Variants in WWOX observed in about 807,000 individuals in gnomAD.
WWOX encodes the protein WW domain-containing oxidoreductase.
In WWOX, 69 loss-of-function variants were observed where a neutral mutation model predicts 46.2. The ratio of observed to expected loss-of-function variants is 1.49; its 90% CI spans 1.23 to 1.82. WWOX has a LOEUF of 1.82. Among genes scored for constraint, WWOX ranks in the 40% most tolerant of loss-of-function variants. The pLI, the probability that WWOX is intolerant of heterozygous loss-of-function variation, is 0.00. For synonymous variants in WWOX, 359 were observed against 202.6 expected, an observed-to-expected ratio of 1.77 and a Z score of -6.56; for missense variants, 919 against 542.6, an observed-to-expected ratio of 1.69 and a Z score of -6.89.
intron 5 of WWOX, chr16:78,265,855 C>G (rs1305699519): frequency 6.6e-6 from 1 of 152,012 alleles, no homozygotes; most frequent in Admixed American, 6.6e-5. Context: ...AATAAATTGT[C>G]TATCCTGTAT....
chr16:78,464,690 A>C (rs1328890019), intron 8 of WWOX, among the ~76,000 whole-genome samples: 2 of 151,948 alleles, frequency 1.3e-5, no homozygotes, highest in African/African-American at 4.8e-5. Context: ...CGTTGCCCCC[A>C]CCCGTGCAGC....
chr16:78,559,250 T>C (rs76961781), intron 8 of WWOX, among the ~76,000 whole-genome samples: 1 of 152,176 alleles, frequency 6.6e-6, no homozygotes, highest in South Asian at 2.1e-4. Context: ...AAGGGGACCA[T>C]GCATGTATTT....
At chr16:78,830,021 T>C (rs998211357) in intron 8 of WWOX, among the ~76,000 whole-genome samples, 2 of 151,782 alleles carry the variant, frequency 1.3e-5, no homozygotes, top group Non-Finnish European at 2.9e-5. Context: ...GCTTTGGGAG[T>C]CTGAAGTGGT....
chr16:79,129,200 A>G (rs1214331836), intron 8 of WWOX, among the ~76,000 whole-genome samples: 2 of 151,880 alleles, frequency 1.3e-5, no homozygotes, highest in Non-Finnish European at 2.9e-5. Flanking sequence ...CAAGTCTAAG[A>G]GAAGGTGGGG....
chr16:78,918,926 G>A (rs146908488), intron 8 of WWOX, among the ~76,000 whole-genome samples: 3 of 152,090 alleles, frequency 2.0e-5, no homozygotes, highest in African/African-American at 7.2e-5. Context: ...AGTTGTTATT[G>A]TGGTTACTTG....
chr16:78,393,767 T>C (rs564789377), intron 6 of WWOX, among the ~76,000 whole-genome samples: 1 of 152,186 alleles, frequency 6.6e-6, no homozygotes, highest in Non-Finnish European at 1.5e-5. Context: ...TTCTGAACTT[T>C]CTGTCACCGG....
At chr16:78,430,186 T>C (rs779745716) in intron 7 of WWOX, among the ~76,000 whole-genome samples, 6 of 152,166 alleles carry the variant, frequency 3.9e-5, no homozygotes, top group Non-Finnish European at 8.8e-5. Flanking sequence ...AATTCTCATT[T>C]ATAAAACCAT....
intron 8 of WWOX, among the ~76,000 whole-genome samples, chr16:78,972,493 C>A (rs1033326459): frequency 2.7e-5 from 4 of 150,652 alleles, no homozygotes; most frequent in Admixed American, 1.3e-4. Flanking sequence ...AATAAAAGAA[C>A]CTGAAGCCGC....
intron 5 of WWOX, among the ~76,000 whole-genome samples, chr16:78,173,052 G>A (rs2015312336): frequency 6.6e-6 from 1 of 152,176 alleles, no homozygotes; most frequent in Non-Finnish European, 1.5e-5. Context: ...CCTACGCAAG[G>A]ACAAGTAGAG....
At chr16:78,402,712 G>A (rs954912018) in intron 6 of WWOX, among the ~76,000 whole-genome samples, 1 of 152,102 alleles carries the variant, frequency 6.6e-6, no homozygotes, top group Non-Finnish European at 1.5e-5. Context: ...ACTCATTTTC[G>A]GTTTAAGAAG....
At chr16:78,477,305 C>A (rs1343339450) in intron 8 of WWOX, among the ~76,000 whole-genome samples, 1 of 151,942 alleles carries the variant, frequency 6.6e-6, no homozygotes. Flanking sequence ...AAGCAGTAAC[C>A]GCATATAAAA....
At chr16:79,010,445 G>A (rs746347529) in intron 8 of WWOX, among the ~76,000 whole-genome samples, 36 of 152,118 alleles carry the variant, frequency 2.4e-4, no homozygotes, top group Non-Finnish European at 4.6e-4. Context: ...CTGCCACTGG[G>A]CAGGGCATCC....
At chr16:78,700,328 G>C (rs1367875079) in intron 8 of WWOX, among the ~76,000 whole-genome samples, 3 of 128,366 alleles carry the variant, frequency 2.3e-5, no homozygotes, top group Non-Finnish European at 4.7e-5. Flanking sequence ...GAGAGAGAGA[G>C]AGAGAGAGAG....
intron 8 of WWOX, among the ~76,000 whole-genome samples, chr16:78,649,356 T>C (rs1451397091): frequency 6.6e-6 from 1 of 152,136 alleles, no homozygotes; most frequent in Non-Finnish European, 1.5e-5. Context: ...CAATCCTAGC[T>C]TACTGCAGCC....
At chr16:78,924,314 G>A (rs1359298264) in intron 8 of WWOX, among the ~76,000 whole-genome samples, 1 of 152,136 alleles carries the variant, frequency 6.6e-6, no homozygotes, top group African/African-American at 2.4e-5. Flanking sequence ...TTTTTAGGGG[G>A]TGGGGTTGCT....
intron 6 of WWOX, among the ~76,000 whole-genome samples, chr16:78,394,042 G>A (rs974664881): frequency 6.6e-6 from 1 of 151,996 alleles, no homozygotes; most frequent in Non-Finnish European, 1.5e-5. Context: ...ATCCATCTAG[G>A]GAAGTGGGTG....
intron 8 of WWOX, among the ~76,000 whole-genome samples, chr16:78,722,167 C>T (rs2142355580): frequency 6.6e-6 from 1 of 152,256 alleles, no homozygotes; most frequent in Non-Finnish European, 1.5e-5. Context: ...TGGCTCACTC[C>T]CTGTCTGTCC....
chr16:78,480,458 C>A (rs1200496351), intron 8 of WWOX, among the ~76,000 whole-genome samples: 1 of 152,224 alleles, frequency 6.6e-6, no homozygotes, highest in Non-Finnish European at 1.5e-5. Context: ...CATATATTTA[C>A]ATGTACTGTC....
At chr16:79,049,332 T>A (rs1444186726) in intron 8 of WWOX, among the ~76,000 whole-genome samples, 1 of 152,214 alleles carries the variant, frequency 6.6e-6, no homozygotes, top group Non-Finnish European at 1.5e-5. Context: ...GCCCGCTCTT[T>A]CACACTGGGG....
Sources: allele counts gnomAD v4.1 joint callset (sites outside exome capture counted in the v4.1 genomes callset), GRCh38; gene constraint gnomAD v4.1.1; transcripts MANE v1.5; gene names NCBI Gene and HGNC (gene_info 2026-07-23, HGNC 2026-07-21).